CDH12: variants seen among roughly 807,000 people sequenced by gnomAD.
CDH12 encodes cadherin 12.
A neutral mutation model predicts 74.1 loss-of-function variants in CDH12; 41 were observed. The observed-to-expected ratio is 0.55, with a 90% CI of 0.43 to 0.72. The LOEUF is 0.72. CDH12 is among the 30% of genes least tolerant of loss of function. The pLI, the probability that CDH12 is intolerant of heterozygous loss-of-function variation, is 0.00. For missense variants in CDH12, 945 were observed against 977.2 expected (o/e 0.97, Z 0.44); for synonymous variants, 399 against 355.0 (o/e 1.12, Z -1.39).
intron 2 of CDH12, among the ~76,000 whole-genome samples, chr5:22,489,125 T>A (rs1746743412): frequency 7.4e-6 from 1 of 134,728 alleles, no homozygotes. Context: ...TGGCACGATC[T>A]CGGCTCACTG....
At chr5:22,373,467 CT>C (rs1272017228) in intron 3 of CDH12, among the ~76,000 whole-genome samples, 1 of 152,200 alleles carries the variant, frequency 6.6e-6, no homozygotes, top group African/African-American at 2.4e-5. Context: ...AGCAAGCCAT[CT>C]GGAGGCCCGA....
At chr5:22,057,070 A>G (rs1740793890) in intron 5 of CDH12, among the ~76,000 whole-genome samples, 1 of 152,142 alleles carries the variant, frequency 6.6e-6, no homozygotes, top group Admixed American at 6.6e-5. Context: ...AAGGCTCAGC[A>G]TTTTCTTTTT....
chr5:22,068,632 A>G (rs1373062511), intron 5 of CDH12, among the ~76,000 whole-genome samples: 1 of 152,206 alleles, frequency 6.6e-6, no homozygotes, highest in Non-Finnish European at 1.5e-5. Flanking sequence ...TCTGGGGAAG[A>G]GATAAGGTAT....
intron 2 of CDH12, among the ~76,000 whole-genome samples, chr5:22,478,119 T>G (rs545965487): frequency 1.3e-5 from 2 of 152,200 alleles, no homozygotes; most frequent in South Asian, 4.1e-4. Flanking sequence ...TGTTAATTTT[T>G]TTGAATATTG....
Position 22,641,227 on chromosome 5 carries a change from C to T in CDH12, c.-522-135863G>A, listed in dbSNP as rs554233286. 7.9e-5 allele frequency among the ~76,000 whole-genome samples: 12 copies of T among 152,170 alleles called. No individual in the cohort carries two copies. In the South Asian group the frequency reaches 1.2e-3, roughly 16 times the overall value. On this transcript the variant is annotated intron_variant, in intron 1 of 14. Transcript: ENST00000382254. Reference sequence around the variant, plus strand: ...AGTCCAATTCCAAAGGTCTCAGAACCGGGGAAGCTGATGGTGTGCCTTTCA... The same window carrying T: ...AGTCCAATTCCAAAGGTCTCAGAACTGGGGAAGCTGATGGTGTGCCTTTCA...
intron 13 of CDH12, among the ~76,000 whole-genome samples, chr5:21,757,248 T>C (rs1744451843): frequency 6.6e-6 from 1 of 152,174 alleles, no homozygotes; most frequent in Admixed American, 6.6e-5. Flanking sequence ...CAATCTCGGC[T>C]CACTGCAACC....
At chr5:22,032,996 T>G (rs1738926631) in intron 5 of CDH12, among the ~76,000 whole-genome samples, 1 of 149,342 alleles carries the variant, frequency 6.7e-6, no homozygotes. Context: ...TTCTAAAATA[T>G]TCTTACCACA....
chr5:22,151,741 A>T (rs181492893), intron 4 of CDH12: 2 of 152,212 alleles, frequency 1.3e-5, no homozygotes, highest in Non-Finnish European at 2.9e-5. Context: ...TTTTAAAAAA[A>T]TAGCTTTTTA....
At chr5:22,801,622 T>C (rs1037471759) in intron 1 of CDH12, among the ~76,000 whole-genome samples, 4 of 130,030 alleles carry the variant, frequency 3.1e-5, no homozygotes, top group Non-Finnish European at 3.2e-5. Flanking sequence ...TACAATTACC[T>C]TCACTCTGCT....
chr5:22,846,571 T>C (rs1737313310), intron 1 of CDH12, among the ~76,000 whole-genome samples: 1 of 152,158 alleles, frequency 6.6e-6, no homozygotes, highest in African/African-American at 2.4e-5. Context: ...ATGAAAGATT[T>C]AATGTGAAAA....
intron 9 of CDH12, among the ~76,000 whole-genome samples, 173 bp from the exon 10 acceptor site, chr5:21,802,593 C>CT (rs35742047): frequency 0.031 from 3,750 of 120,118 alleles, 288 homozygotes; most frequent in African/African-American, 0.1. Context: ...ATTTTTTTTT[C>CT]TTTTTTTTTT....
At chr5:21,835,868 A>T (rs1448400710) in intron 8 of CDH12, among the ~76,000 whole-genome samples, 3 of 151,858 alleles carry the variant, frequency 2.0e-5, no homozygotes, top group African/African-American at 7.2e-5. Context: ...TAACTGAATA[A>T]ATGTATAGTT....
chr5:22,260,024 T>G (rs1264056440), intron 3 of CDH12, among the ~76,000 whole-genome samples: 1 of 152,100 alleles, frequency 6.6e-6, no homozygotes, highest in Non-Finnish European at 1.5e-5. Context: ...GTGTGTCTAT[T>G]AAATCCAGAA....
intron 3 of CDH12, among the ~76,000 whole-genome samples, chr5:22,322,459 T>C (rs1339250755): frequency 6.6e-6 from 1 of 152,108 alleles, no homozygotes; most frequent in Non-Finnish European, 1.5e-5. Flanking sequence ...CCAGAAATAC[T>C]TTATATCATT....
In CDH12 at chr5:22,271,673, T is replaced by C. The variant is rs115026879; in HGVS notation, c.-332-59030A>G. On this transcript the variant is annotated intron_variant, in intron 3 of 14. Coordinates refer to ENST00000382254, the MANE Select transcript of CDH12 (RefSeq NM_004061.5). The stretch of plus-strand genomic sequence containing the variant: ...CGAGAATACTCTTTGGTCTTTGGGC[T>C]ACAGAATGGATGCTGTCTTAGCAGA... Among the ~76,000 whole-genome samples, 508 of 152,334 alleles carry C rather than the reference T, an allele frequency of 3.3e-3. 1 individual carries two copies. The highest frequency in any genetic ancestry group is 0.012 in the African/African-American group (481 of 41,572).
chr5:22,559,549 A>C (rs1024266498), intron 1 of CDH12, among the ~76,000 whole-genome samples: 2 of 152,098 alleles, frequency 1.3e-5, no homozygotes, highest in Non-Finnish European at 1.5e-5. Context: ...TAAATTAATA[A>C]TAAAATAAGA....
Position 21,755,670 on chromosome 5 carries a change from A to G in CDH12, c.1806T>C (p.Asn602=), listed in dbSNP as rs1744349175. 2 of 1,614,022 alleles carry G rather than the reference A, an allele frequency of 1.2e-6. No homozygotes were observed. The highest frequency in any genetic ancestry group is 2.7e-5 in the African/African-American group (2 of 74,932). ...CTACAGGTAGAAAAATTGCTTCCAC[A>G]TTACAAGACAGGATGGTGCCATCAG... is the stretch of plus-strand genomic sequence containing the variant. ...CDSDGTILSC[N]VEAIFLPVGL... Residue 602 remains asparagine, a synonymous_variant, in exon 14 of 15, where the codon AAT becomes AAC. Coordinates refer to ENST00000382254, the MANE Select transcript of CDH12 (RefSeq NM_004061.5).
At chr5:22,524,896 G>A (rs1473110165) in intron 1 of CDH12, among the ~76,000 whole-genome samples, 1 of 151,262 alleles carries the variant, frequency 6.6e-6, no homozygotes, top group Non-Finnish European at 1.5e-5. Context: ...GTGCCATGTT[G>A]GTGTGCTGCA....
intron 6 of CDH12, among the ~76,000 whole-genome samples, chr5:21,897,295 T>C (rs982276154): frequency 6.6e-6 from 1 of 152,218 alleles, no homozygotes; most frequent in African/African-American, 2.4e-5. Context: ...TTCATATGAC[T>C]GTGAGCATCT....
Sources: allele counts gnomAD v4.1 joint callset (sites outside exome capture counted in the v4.1 genomes callset), GRCh38; gene constraint gnomAD v4.1.1; transcripts MANE v1.5; gene names NCBI Gene and HGNC (gene_info 2026-07-23, HGNC 2026-07-21).